CTNNA1: variants seen among roughly 807,000 people sequenced by gnomAD.
CTNNA1 encodes catenin alpha-1.
In CTNNA1, 37 loss-of-function variants were observed where a neutral mutation model predicts 98.4. The ratio of observed to expected loss-of-function variants is 0.38; its 90% CI spans 0.29 to 0.49. CTNNA1 has a LOEUF of 0.49. Ranked by LOEUF, CTNNA1 falls within the 20% of genes least tolerant of loss-of-function variation. The probability of loss-of-function intolerance (pLI) is 0.95; values close to 1 mark genes in which losing one functional copy is unlikely to be tolerated. For missense variants in CTNNA1, 761 were observed against 1,147.2 expected (o/e 0.66, Z 4.86); for synonymous variants, 404 against 413.2 (o/e 0.98, Z 0.27).
At chr5:138,806,215 G>A (rs140909730) in intron 3 of CTNNA1, among the ~76,000 whole-genome samples, 38 of 152,200 alleles carry the variant, frequency 2.5e-4, no homozygotes, top group Non-Finnish European at 2.4e-4. Flanking sequence ...TGATCTCTAT[G>A]TTTACATTTG....
chr5:138,858,046 G>A (rs1763882852), intron 7 of CTNNA1, among the ~76,000 whole-genome samples: 1 of 152,088 alleles, frequency 6.6e-6, no homozygotes, highest in Non-Finnish European at 1.5e-5. Context: ...CTGTTTTGAT[G>A]CATTTCAAAT....
chr5:138,873,968 C>G lies in CTNNA1; in HGVS notation c.1063-12244C>G. ...TTTAATTAATCCTGCAAATCCATTG[C>G]GAGCCAAACTTCGCAAACGATTTGT... On this transcript the variant is annotated intron_variant, in intron 7 of 17. Transcript: ENST00000302763. The surrounding 1 kb of genome is among the most constrained non-coding windows in gnomAD (Gnocchi z 6.1). The G allele has an allele frequency of 2.5e-6, 4 of 1,613,964 alleles. No individual in the cohort carries two copies. The highest frequency in any genetic ancestry group is 3.4e-6 in the Non-Finnish European group (4 of 1,179,898).
At chr5:138,845,588 A>G (rs1762641287) in intron 7 of CTNNA1, among the ~76,000 whole-genome samples, 1 of 152,082 alleles carries the variant, frequency 6.6e-6, no homozygotes, top group Non-Finnish European at 1.5e-5. Context: ...GGTGCGAAGC[A>G]GCATGCATTT....
At chr5:138,857,018 C>A (rs1763787873) in intron 7 of CTNNA1, among the ~76,000 whole-genome samples, 1 of 152,042 alleles carries the variant, frequency 6.6e-6, no homozygotes, top group South Asian at 2.1e-4. Context: ...TCCCTCATGC[C>A]CCAGTCTGCT....
intron 10 of CTNNA1, among the ~76,000 whole-genome samples, chr5:138,915,720 T>G (rs901820943): frequency 1.4e-4 from 22 of 152,208 alleles, no homozygotes; most frequent in Admixed American, 1.2e-3. Flanking sequence ...AGAATCTTAT[T>G]CATCAACAAA....
intron 3 of CTNNA1, among the ~76,000 whole-genome samples, chr5:138,807,053 C>T (rs976268341): frequency 2.0e-5 from 3 of 149,498 alleles, no homozygotes; most frequent in Non-Finnish European, 4.4e-5. Context: ...CTTTGTTGCC[C>T]AGGCTGGAGT....
chr5:138,920,408 ACGTGGCCCTGC>A (rs1479460675), intron 11 of CTNNA1, among the ~76,000 whole-genome samples: 32 of 152,214 alleles, frequency 2.1e-4, no homozygotes, highest in African/African-American at 7.5e-4. Flanking sequence ...CTTGGCCCTG[ACGTGGCCCTGC>A]CACATTTGCC....
chr5:138,865,049 T>G (rs1764623127), intron 7 of CTNNA1, among the ~76,000 whole-genome samples: 1 of 152,072 alleles, frequency 6.6e-6, no homozygotes, highest in African/African-American at 2.4e-5. Flanking sequence ...CCTGACCTCG[T>G]GATCCACCCG....
chr5:138,804,448 C>T (rs1757882278), intron 3 of CTNNA1, among the ~76,000 whole-genome samples: 1 of 152,168 alleles, frequency 6.6e-6, no homozygotes, highest in African/African-American at 2.4e-5. Context: ...CCTAGTTTTA[C>T]CTGTTGGAAG....
intron 7 of CTNNA1, among the ~76,000 whole-genome samples, chr5:138,860,463 C>A (rs60173527): frequency 0.038 from 5,790 of 151,778 alleles, 300 homozygotes; most frequent in African/African-American, 0.12. Context: ...GAATAATAGA[C>A]AAATCTTAGA....
intron 3 of CTNNA1, among the ~76,000 whole-genome samples, chr5:138,804,947 G>A (rs1433967760): frequency 6.6e-6 from 1 of 152,172 alleles, no homozygotes; most frequent in Non-Finnish European, 1.5e-5. Flanking sequence ...TCAAGGTTCT[G>A]GAGGCTGTAC....
At chr5:138,825,709 T>TA (rs1391003693) in intron 6 of CTNNA1, among the ~76,000 whole-genome samples, 1 of 152,122 alleles carries the variant, frequency 6.6e-6, no homozygotes, top group African/African-American at 2.4e-5. Flanking sequence ...TTCGCTTAGG[T>TA]AGCTGATCCT....
intron 10 of CTNNA1, among the ~76,000 whole-genome samples, chr5:138,914,694 T>G (rs888152420): frequency 2.6e-5 from 4 of 151,930 alleles, no homozygotes; most frequent in Admixed American, 1.3e-4. Flanking sequence ...ACAACATTCT[T>G]GAATACCCCT....
At chr5:138,761,556 C>A (rs1240601553) in intron 1 of CTNNA1, among the ~76,000 whole-genome samples, 2 of 151,628 alleles carry the variant, frequency 1.3e-5, no homozygotes, top group African/African-American at 4.9e-5. Flanking sequence ...GATTGGTATA[C>A]GAGAGAGTGA....
At chr5:138,820,027 AC>A (rs1244235681) in intron 5 of CTNNA1, among the ~76,000 whole-genome samples, 9 of 69,568 alleles carry the variant, frequency 1.3e-4, no homozygotes, top group Non-Finnish European at 1.8e-4. Context: ...TGAACCACCC[AC>A]CCCCCGCCCT....
At chr5:138,888,010 T>A (rs1308689946) in intron 9 of CTNNA1, among the ~76,000 whole-genome samples, 1 of 152,222 alleles carries the variant, frequency 6.6e-6, no homozygotes, top group Non-Finnish European at 1.5e-5. Flanking sequence ...TAACCTAACC[T>A]TCCTCAATTG....
Position 138,872,972 on chromosome 5 carries a change from G to A in CTNNA1, c.1063-13240G>A, listed in dbSNP as rs921826513. The A allele has an allele frequency of 2.1e-6, 3 of 1,436,440 alleles. No individual in the cohort carries two copies. In the African/African-American group the frequency reaches 4.3e-5, roughly 20 times the overall value. The allele number at this position is 1,436,440 out of a possible 1,614,324, so 89.0% of individuals were successfully genotyped here. On this transcript the variant is annotated intron_variant, in intron 7 of 17. Coordinates refer to ENST00000302763, the MANE Select transcript of CTNNA1 (RefSeq NM_001903.5). ...ATTTAGCCTCTACTATGTAAAATAGGTTACTTATCTGATGTGATTTTTGAT... is the reference window on the plus strand; with the variant it reads ...ATTTAGCCTCTACTATGTAAAATAGATTACTTATCTGATGTGATTTTTGAT...
At chr5:138,877,479 C>T (rs563522648) in intron 7 of CTNNA1, among the ~76,000 whole-genome samples, 2,402 of 144,728 alleles carry the variant, frequency 0.017, 71 homozygotes, top group African/African-American at 0.057. Context: ...CTCGCTCTGT[C>T]GCCCAGGCCG....
intron 5 of CTNNA1, among the ~76,000 whole-genome samples, chr5:138,818,544 G>A (rs1276832977): frequency 6.6e-6 from 1 of 152,142 alleles, no homozygotes; most frequent in African/African-American, 2.4e-5. Context: ...TAGTGTGCTG[G>A]TTAGGGAGTG....
Sources: gnomAD v4.1 joint callset for allele counts (sites outside exome capture counted in the v4.1 genomes callset) on GRCh38, gnomAD v4.1.1 for gene constraint, Gnocchi (gnomAD v3.1) non-coding constraint, MANE v1.5 for transcripts, NCBI Gene and HGNC (gene_info 2026-07-23, HGNC 2026-07-21) for gene names.